The following MTREX variants were observed in gnomAD, a reference collection of about 807,000 sequenced individuals.
MTREX encodes Mtr4 exosome RNA helicase.
A neutral mutation model predicts 135.4 loss-of-function variants in MTREX; 76 were observed. The observed-to-expected ratio is 0.56, with a 90% CI of 0.47 to 0.68. MTREX has a LOEUF of 0.68. Ranked by LOEUF, MTREX falls within the 30% of genes least tolerant of loss-of-function variation. MTREX has a pLI of 0.00. For synonymous variants in MTREX, 404 were observed against 401.6 expected (o/e 1.01, Z -0.07); for missense variants, 920 against 1,262.1 (o/e 0.73, Z 4.11).
chr5:55,354,027 G>A (rs563975947), intron 14 of MTREX, among the ~76,000 whole-genome samples: 1 of 152,182 alleles, frequency 6.6e-6, no homozygotes, highest in Non-Finnish European at 1.5e-5. Flanking sequence ...GGGAGCATAG[G>A]TGAAACAATG....
In MTREX at chr5:55,321,455, G is replaced by A. The variant is rs115469852; in HGVS notation, c.135-872G>A. ...ATTTTCTGTCCTGGTTAAGAAGTCC[G>A]GAAGATCATTTTCTCATTTTATCTT... On this transcript the variant is annotated intron_variant, in intron 1 of 26. Coordinates refer to ENST00000230640, the MANE Select transcript of MTREX (RefSeq NM_015360.5). 5.5e-3 allele frequency among the ~76,000 whole-genome samples: 833 copies of A among 151,804 alleles called. 4 individuals carry two copies. The highest frequency in any genetic ancestry group is 0.019 in the African/African-American group (796 of 41,366).
At chr5:55,363,373 T>C (rs1750047414) in intron 15 of MTREX, among the ~76,000 whole-genome samples, 1 of 152,192 alleles carries the variant, frequency 6.6e-6, no homozygotes, top group Non-Finnish European at 1.5e-5. Flanking sequence ...TTATAAAATA[T>C]TACAAAAGCT....
At chr5:55,390,222 C>A (rs1750544744) in intron 19 of MTREX, among the ~76,000 whole-genome samples, 1 of 152,168 alleles carries the variant, frequency 6.6e-6, no homozygotes, top group Admixed American at 6.5e-5. Flanking sequence ...CCTGCCTCAA[C>A]CTCCCGAGTA....
At chr5:55,369,706 C>T (rs1227294839) in intron 16 of MTREX, among the ~76,000 whole-genome samples, 1 of 152,114 alleles carries the variant, frequency 6.6e-6, no homozygotes, top group Non-Finnish European at 1.5e-5. Flanking sequence ...GGAATGGGAG[C>T]CCCTTTCAAT....
intron 3 of MTREX, chr5:55,324,423 ACTTTTTTTTTTT>A: frequency 4.0e-5 from 3 of 75,710 alleles, no homozygotes; most frequent in Non-Finnish European, 7.4e-5. Context: ...TCTTATTTTA[ACTTTTTTTTTTT>A]TTTTTTTTTT....
At chr5:55,353,987 T>A (rs1335978809) in intron 14 of MTREX, among the ~76,000 whole-genome samples, 1 of 152,194 alleles carries the variant, frequency 6.6e-6, no homozygotes, top group East Asian at 1.9e-4. Context: ...TTTGCACACA[T>A]GTCCAAGGCA....
At chr5:55,363,927 A>G (rs1007836178) in intron 15 of MTREX, among the ~76,000 whole-genome samples, 1 of 152,214 alleles carries the variant, frequency 6.6e-6, no homozygotes, top group African/African-American at 2.4e-5. Context: ...CTTAAGGAAT[A>G]TATCTACATT....
At chr5:55,339,713 A>G (rs1749612606) in intron 5 of MTREX, among the ~76,000 whole-genome samples, 1 of 152,216 alleles carries the variant, frequency 6.6e-6, no homozygotes, top group Admixed American at 6.5e-5. Flanking sequence ...GAATTTTGGA[A>G]GCCCGTCTTA....
chr5:55,314,841 C>T (rs1031326888), intron 1 of MTREX, among the ~76,000 whole-genome samples: 2 of 152,182 alleles, frequency 1.3e-5, no homozygotes, highest in Admixed American at 1.3e-4. Flanking sequence ...GCATTAGATT[C>T]TCATAAGGAG....
chr5:55,315,633 C>G (rs912800328), intron 1 of MTREX, among the ~76,000 whole-genome samples: 1 of 152,130 alleles, frequency 6.6e-6, no homozygotes, highest in African/African-American at 2.4e-5. Flanking sequence ...CTTTGTAGCT[C>G]TCAGAATAGA....
intron 26 of MTREX, chr5:55,424,429 G>A: frequency 4.8e-6 from 1 of 207,940 alleles, no homozygotes; most frequent in South Asian, 1.4e-4. Context: ...ACAGGCATGA[G>A]CTACTGCGCC....
intron 15 of MTREX, among the ~76,000 whole-genome samples, chr5:55,362,241 A>G (rs1273234709): frequency 6.6e-6 from 1 of 151,804 alleles, no homozygotes; most frequent in African/African-American, 2.4e-5. Flanking sequence ...TGGCTTGGCG[A>G]ATTTTTAAAG....
At chr5:55,341,362 G>A (rs1050432156) in intron 6 of MTREX, among the ~76,000 whole-genome samples, 2 of 152,094 alleles carry the variant, frequency 1.3e-5, no homozygotes, top group East Asian at 3.8e-4. Context: ...GAAGGAAGTT[G>A]CATCATGTTC....
intron 5 of MTREX, among the ~76,000 whole-genome samples, chr5:55,334,550 T>C (rs935546376): frequency 9.9e-5 from 15 of 152,134 alleles, no homozygotes; most frequent in African/African-American, 3.6e-4. Context: ...CAAATACTTT[T>C]TCTGACACTG....
At position 55,424,784 on chromosome 5, in the gene MTREX, G is replaced by A; in HGVS notation, c.*12G>A. The A allele has an allele frequency of 6.3e-7, 1 of 1,599,110 alleles. No individual in the cohort carries two copies. The highest frequency in any genetic ancestry group is 1.1e-5 in the South Asian group (1 of 90,584). On this transcript the variant is annotated 3_prime_UTR_variant, in exon 27 of 27. Transcript: ENST00000230640. The stretch of plus-strand genomic sequence containing the variant: ...GCCTCTACTTGTAGAGTCAGCTAAA[G>A]GAATGTGAGATTTTAAATTATTGAC...
At chr5:55,358,062 C>T (rs1177601793) in intron 14 of MTREX, among the ~76,000 whole-genome samples, 1 of 152,150 alleles carries the variant, frequency 6.6e-6, no homozygotes, top group African/African-American at 2.4e-5. Flanking sequence ...TTTCGCTGGG[C>T]GTGGTGGCTC....
chr5:55,343,537 C>G, intron 8 of MTREX, 82 bp downstream of exon 8: 1 of 1,208,470 alleles, frequency 8.3e-7, no homozygotes, highest in South Asian at 1.4e-5. Flanking sequence ...TTGCTTTTCT[C>G]CTGATGTTGT....
At chr5:55,422,329 A>T (rs145655923) in intron 25 of MTREX, among the ~76,000 whole-genome samples, 1 of 152,306 alleles carries the variant, frequency 6.6e-6, no homozygotes, top group African/African-American at 2.4e-5. Flanking sequence ...AGAACGTACT[A>T]ATGAAAGAAT....
At chr5:55,378,111 A>G (rs1157452825) in intron 16 of MTREX, among the ~76,000 whole-genome samples, 1 of 152,196 alleles carries the variant, frequency 6.6e-6, no homozygotes, top group East Asian at 1.9e-4. Context: ...TGTCTATCCA[A>G]TAAAGCCTCC....
Sources: gnomAD v4.1 joint callset for allele counts (sites outside exome capture counted in the v4.1 genomes callset) on GRCh38, gnomAD v4.1.1 for gene constraint, MANE v1.5 for transcripts, NCBI Gene and HGNC (gene_info 2026-07-23, HGNC 2026-07-21) for gene names.